Variants in ACSF3 observed in about 807,000 individuals in gnomAD.
ACSF3 encodes the protein acyl-CoA synthetase family member 3.
A neutral mutation model predicts 53.2 loss-of-function variants in ACSF3; 78 were observed. The observed-to-expected ratio is 1.47, with a 90% CI of 1.22 to 1.77. ACSF3 has a LOEUF of 1.77. Among genes scored for constraint, ACSF3 ranks in the 40% most tolerant of loss-of-function variants. ACSF3 has a pLI of 0.00. For synonymous variants in ACSF3, 414 were observed against 333.1 expected (o/e 1.24, Z -2.65); for missense variants, 937 against 771.1 (o/e 1.22, Z -2.55).
At chr16:89,112,429 C>T (rs1226190781) in intron 5 of ACSF3, among the ~76,000 whole-genome samples, 183 bp downstream of exon 5, 1 of 151,940 alleles carries the variant, frequency 6.6e-6, no homozygotes, top group Non-Finnish European at 1.5e-5. Flanking sequence ...TCTCTCTACC[C>T]GTCTGTATGT....
intron 10 of ACSF3, chr16:89,151,590 A>T (rs549717293): frequency 6.2e-5 from 13 of 210,182 alleles, no homozygotes; most frequent in African/African-American, 2.6e-4. Flanking sequence ...TTCAAAAATC[A>T]GTCTGTGTAA....
intron 6 of ACSF3, among the ~76,000 whole-genome samples, chr16:89,117,493 T>G (rs955528052): frequency 1.4e-5 from 2 of 148,112 alleles, no homozygotes; most frequent in Admixed American, 6.7e-5. Flanking sequence ...GAGGGAGTCA[T>G]GAGCAGCCCA....
chr16:89,096,004 T>C (rs1237643332), intron 1 of ACSF3, among the ~76,000 whole-genome samples: 3 of 152,042 alleles, frequency 2.0e-5, no homozygotes, highest in Non-Finnish European at 2.9e-5. Flanking sequence ...GAAGCCCCAG[T>C]GCCTTAGTGG....
At chr16:89,119,399 C>G (rs1906054397) in intron 6 of ACSF3, among the ~76,000 whole-genome samples, 1 of 152,180 alleles carries the variant, frequency 6.6e-6, no homozygotes, top group Non-Finnish European at 1.5e-5. Flanking sequence ...GACAGCAGAC[C>G]TGGTGCCAGG....
intron 7 of ACSF3, chr16:89,122,733 C>T (rs988449549): frequency 7.1e-5 from 11 of 154,044 alleles, no homozygotes; most frequent in African/African-American, 2.6e-4. Flanking sequence ...CCTCTGAGCA[C>T]CTGCTCTGCC....
rs570721224 is a variant in ACSF3, at chr16:89,111,257, A to G, written c.823-835A>G. On this transcript the variant is annotated intron_variant, in intron 4 of 10. Transcript: ENST00000614302. Reference sequence around the variant, plus strand: ...GGGTTCCAGTCTTTGTCTTTGAAAGAATGATATTATTTCTTCCCCGGAGAT... The same window carrying G: ...GGGTTCCAGTCTTTGTCTTTGAAAGGATGATATTATTTCTTCCCCGGAGAT... 3.9e-5 allele frequency among the ~76,000 whole-genome samples: 6 copies of G among 152,334 alleles called. No homozygotes were observed. The South Asian group carries it at 1.2e-3, about 32-fold the overall frequency.
intron 8 of ACSF3, 81 bp from the exon 9 acceptor site, chr16:89,145,186 C>T (rs1912663200): frequency 6.2e-7 from 1 of 1,613,210 alleles, no homozygotes; most frequent in Non-Finnish European, 8.5e-7. Flanking sequence ...TTAAGGACGG[C>T]CAGTTAACCA....
At chr16:89,139,235 C>T (rs1911247062) in intron 8 of ACSF3, among the ~76,000 whole-genome samples, 1 of 152,188 alleles carries the variant, frequency 6.6e-6, no homozygotes, top group Non-Finnish European at 1.5e-5. Context: ...GCCAATTCCT[C>T]GTGGGCTGGG....
rs775664048 is a variant in ACSF3 at position 89,098,713 on chromosome 16, C to T, written c.-71C>T. 1 of 454,174 alleles carries T rather than the reference C, an allele frequency of 2.2e-6. No individual in the cohort carries two copies. Among genetic ancestry groups the T allele is most frequent in the South Asian group, 1.6e-5 (1 of 64,478 alleles). 28.1% of individuals were successfully genotyped at this position (454,174 alleles called of 1,614,324 possible). ...TGCTGAAGCAGCTGTGCCTGCCGCTCTTGTGAACTGCGAACTTCCCCTTAC... is the reference window on the plus strand; with the variant it reads ...TGCTGAAGCAGCTGTGCCTGCCGCTTTTGTGAACTGCGAACTTCCCCTTAC... On this transcript the variant is annotated 5_prime_UTR_variant, in exon 2 of 11. Coordinates refer to ENST00000614302, the MANE Select transcript of ACSF3 (RefSeq NM_001243279.3).
At chr16:89,136,407 G>A in intron 8 of ACSF3, 2 of 794,630 alleles carry the variant, frequency 2.5e-6, no homozygotes, top group Non-Finnish European at 3.4e-6. Context: ...AGGCCTGGAA[G>A]CCGCATGTCT....
At chr16:89,104,327 A>T (rs1021736532) in intron 4 of ACSF3, among the ~76,000 whole-genome samples, 2 of 152,244 alleles carry the variant, frequency 1.3e-5, no homozygotes, top group African/African-American at 4.8e-5. Context: ...CTGAGGCCAG[A>T]TGCCTGGGAC....
At chr16:89,115,907 G>A (rs746843280) in intron 6 of ACSF3, among the ~76,000 whole-genome samples, 3 of 152,204 alleles carry the variant, frequency 2.0e-5, no homozygotes, top group African/African-American at 7.2e-5. Context: ...TCAGCTGTGC[G>A]ATTTTAAATA....
chr16:89,120,893 G>A lies in ACSF3; in HGVS notation c.1219G>A (p.Gly407Arg). The A allele has an allele frequency of 1.2e-6, 2 of 1,613,982 alleles. No homozygotes were observed. Among genetic ancestry groups the A allele is most frequent in the South Asian group, 2.2e-5 (2 of 91,088 alleles). The change falls in exon 7 of 11, where the codon GGA (glycine) becomes AGA (arginine). Residue 407 changes from glycine to arginine, a missense_variant. Coordinates refer to ENST00000614302, the MANE Select transcript of ACSF3 (RefSeq NM_001243279.3). ...CTGCTCCTACACCATCCACGCAGAG[G>A]GAGACGAGAGGGGGACCAAGGTAAG... ...EACSYTIHAE[G>R]DERGTKVTPG... is the part of the protein sequence containing the mutation.
intron 10 of ACSF3, 107 bp from the exon 11 acceptor site, chr16:89,153,983 C>T (rs911201770): frequency 1.6e-6 from 2 of 1,213,972 alleles, no homozygotes; most frequent in African/African-American, 1.5e-5. Context: ...AGGCGCCTGG[C>T]AAGGCTGCAG....
In ACSF3 at chr16:89,141,016, GTT is replaced by G; in HGVS notation, c.1367-4250_1367-4249del. 2.5e-6 allele frequency: 3 copies of G among 1,222,858 alleles called. No homozygotes were observed. The South Asian group carries it at 4.1e-5, about 17-fold the overall frequency. The allele number at this position is 1,222,858 out of a possible 1,614,324, so 75.8% of individuals were successfully genotyped here. On this transcript the variant is annotated intron_variant, in intron 8 of 10. Transcript: ENST00000614302. ...AGAATCGATGCATTTTGATAAATAG[GTT>G]GTTATGGAAAGTAAAGGTTATTTAA... is the stretch of plus-strand genomic sequence containing the variant.
chr16:89,122,144 AT>A, intron 7 of ACSF3, among the ~76,000 whole-genome samples: 1 of 65,942 alleles, frequency 1.5e-5, no homozygotes, highest in East Asian at 2.8e-4. Context: ...GTGGGCTGTT[AT>A]CCCCCGTGGC....
chr16:89,115,884 C>A (rs922857589), intron 6 of ACSF3, among the ~76,000 whole-genome samples: 1 of 152,188 alleles, frequency 6.6e-6, no homozygotes, highest in African/African-American at 2.4e-5. Context: ...TTTTAAAATT[C>A]GGGACCCAAG....
chr16:89,154,474 C>T lies in ACSF3; in HGVS notation c.*267C>T, dbSNP rs775497277. On this transcript the variant is annotated 3_prime_UTR_variant, in exon 11 of 11. Coordinates refer to ENST00000614302, the MANE Select transcript of ACSF3 (RefSeq NM_001243279.3). ...CTGTGCAGCGCGGTGCAGCCAGCCC[C>T]TGGCCCCACGTGCTGAGGCACCTCC... The T allele has an allele frequency of 7.0e-5, 43 of 612,542 alleles. No homozygotes were observed. The highest frequency in any genetic ancestry group is 1.2e-4 in the Non-Finnish European group (38 of 329,160). 37.9% of individuals were successfully genotyped at this position (612,542 alleles called of 1,614,324 possible). A position where few individuals can be genotyped will look rare whatever the true frequency, so the allele number is the denominator to read the frequency against.
At chr16:89,114,678 T>C in intron 6 of ACSF3, 191 bp downstream of exon 6, 1 of 799,648 alleles carries the variant, frequency 1.3e-6, no homozygotes, top group Non-Finnish European at 2.0e-6. Flanking sequence ...ATCAGCCTTC[T>C]CCCAAGTCTC....
Sources: allele counts gnomAD v4.1 joint callset (sites outside exome capture counted in the v4.1 genomes callset), GRCh38; gene constraint gnomAD v4.1.1; transcripts MANE v1.5; gene names NCBI Gene and HGNC (gene_info 2026-07-23, HGNC 2026-07-21).